CLN8: variants seen among roughly 807,000 people sequenced by gnomAD.
CLN8 encodes protein CLN8.
CLN8 carries 14 observed loss-of-function variants against 15.7 expected under a neutral mutation model. That is an observed-to-expected ratio of 0.89 (90% CI 0.59 to 1.39). The LOEUF (loss-of-function observed/expected upper bound fraction) is 1.39, where lower values mean the gene tolerates loss of function less well. Ranked by LOEUF, CLN8 falls within the 40% of genes most tolerant of loss-of-function variation. The pLI, the probability that CLN8 is intolerant of heterozygous loss-of-function variation, is 0.00. For synonymous variants in CLN8, 188 were observed against 151.0 expected (o/e 1.25, Z -1.80); for missense variants, 415 against 364.0 (o/e 1.14, Z -1.14).
At chr8:1,764,655 C>G (rs772696587) in intron 1 of CLN8, 4 of 153,142 alleles carry the variant, frequency 2.6e-5, no homozygotes, top group Non-Finnish European at 2.9e-5. Context: ...GGTAAGGTCA[C>G]CAAAGTGTGC....
rs1000986762 is a variant in CLN8 at position 1,785,957 on chromosome 8, G to A, written c.*5390G>A. The A allele has an allele frequency of 6.5e-6, 1 of 153,282 alleles. No homozygotes were observed. Among genetic ancestry groups the A allele is most frequent in the Non-Finnish European group, 1.5e-5 (1 of 68,600 alleles). 9.5% of individuals were successfully genotyped at this position (153,282 alleles called of 1,614,324 possible). On this transcript the variant is annotated 3_prime_UTR_variant, in exon 3 of 3. Coordinates refer to ENST00000331222, the MANE Select transcript of CLN8 (RefSeq NM_018941.4). ...AGGAAGGAAGGGCAGAGTCCCAGGT[G>A]TCAGCTGGTGGGTCTCCCAGGAGCT...
Position 1,780,432 on chromosome 8 carries a change from G to A in CLN8, c.726G>A (p.Thr242=), listed in dbSNP as rs200529220. The change falls in exon 3 of 3, where the codon ACG becomes ACA. Residue 242 remains threonine (T), a synonymous_variant. Coordinates refer to ENST00000331222, the MANE Select transcript of CLN8 (RefSeq NM_018941.4). ...TCCTTGTCGGACTGGCTCTGCTTAC[G>A]CTAATCATTAATCCATATTGGACCC... The part of the protein sequence containing the change: ...TLFLVGLALL[T]LIINPYWTHK... 31 of 1,614,076 alleles carry A rather than the reference G, an allele frequency of 1.9e-5. No individual in the cohort carries two copies. The highest frequency in any genetic ancestry group is 6.7e-5 in the African/African-American group (5 of 74,926).
intron 1 of CLN8, among the ~76,000 whole-genome samples, chr8:1,756,475 A>G (rs7460866): frequency 0.69 from 102,929 of 148,490 alleles, 35,789 homozygotes; most frequent in South Asian, 0.77. Flanking sequence ...CAGAGTGAGA[A>G]TCCATCTCAA....
chr8:1,757,379 G>T (rs1020229726), intron 1 of CLN8, among the ~76,000 whole-genome samples: 2 of 152,174 alleles, frequency 1.3e-5, no homozygotes, highest in African/African-American at 4.8e-5. Context: ...TGCTATGGTG[G>T]CCCCACAGTA....
chr8:1,759,836 A>G (rs1444248783), upstream of CLN8: 1 of 152,232 alleles, frequency 6.6e-6, no homozygotes, highest in Non-Finnish European at 1.5e-5. Flanking sequence ...GGTGAAGGAC[A>G]CTGGATTTAA....
intron 1 of CLN8, among the ~76,000 whole-genome samples, chr8:1,769,978 C>G (rs1801234568): frequency 6.6e-6 from 1 of 152,244 alleles, no homozygotes; most frequent in African/African-American, 2.4e-5. Flanking sequence ...CAGTCCCAAT[C>G]AGTCACACAA....
rs891805122 is a variant in CLN8 at position 1,781,001 on chromosome 8, G to A, written c.*434G>A. The A allele has an allele frequency of 5.5e-6, 1 of 182,164 alleles. No homozygotes were observed. The highest frequency in any genetic ancestry group is 5.6e-5 in the Admixed American group (1 of 17,998). 11.3% of individuals were successfully genotyped at this position (182,164 alleles called of 1,614,324 possible). A position where few individuals can be genotyped will look rare whatever the true frequency, so the allele number is the denominator to read the frequency against. On this transcript the variant is annotated 3_prime_UTR_variant, in exon 3 of 3. Coordinates refer to ENST00000331222, the MANE Select transcript of CLN8 (RefSeq NM_018941.4). Reference sequence around the variant, plus strand: ...TCAGAAGTCACATTCTTTTCAGTTGGAGAGAATTGGGCTAAGATAGAAAAT... The same window carrying A: ...TCAGAAGTCACATTCTTTTCAGTTGAAGAGAATTGGGCTAAGATAGAAAAT...
intron 1 of CLN8, among the ~76,000 whole-genome samples, chr8:1,765,515 CA>C (rs1209659772): frequency 2.6e-5 from 4 of 152,202 alleles, no homozygotes; most frequent in Non-Finnish European, 5.9e-5. Context: ...AACATTTTTA[CA>C]ACCCATCAAT....
chr8:1,757,150 G>A (rs1800690164), intron 1 of CLN8, among the ~76,000 whole-genome samples: 1 of 152,186 alleles, frequency 6.6e-6, no homozygotes, highest in Admixed American at 6.5e-5. Context: ...AAGCGGAGGT[G>A]TGTCCTCTTC....
At chr8:1,757,433 C>T (rs1242809800) in intron 1 of CLN8, among the ~76,000 whole-genome samples, 1 of 152,100 alleles carries the variant, frequency 6.6e-6, no homozygotes, top group African/African-American at 2.4e-5. Context: ...TGTCAAGGCA[C>T]TTTTTTTGGT....
At chr8:1,755,774 C>G (rs1210746648), upstream of CLN8, 2 of 152,178 alleles carry the variant, frequency 1.3e-5, no homozygotes, top group Admixed American at 6.5e-5. Flanking sequence ...CTAACCTCCT[C>G]TGGAATGAAC....
At chr8:1,770,117 T>A (rs1801239787) in intron 1 of CLN8, among the ~76,000 whole-genome samples, 1 of 152,138 alleles carries the variant, frequency 6.6e-6, no homozygotes, top group Admixed American at 6.5e-5. Flanking sequence ...GGGGTATGCA[T>A]CAGGAGCTTG....
intron 2 of CLN8, chr8:1,779,949 T>C: frequency 1.0e-6 from 1 of 985,322 alleles, no homozygotes; most frequent in Non-Finnish European, 1.2e-6. Flanking sequence ...ATTGAAGGGA[T>C]ACTGAAAGAA....
Position 1,771,270 on chromosome 8 carries a change from C to G in CLN8, c.216C>G (p.Val72=). ...GGGACCTGGCGGCCACGCGTGCAGT[C>G]TTTGGTGTTCAGAGCACAGCCGCAG... ...VFWDLAATRA[V]FGVQSTAAGL... Residue 72 remains valine, a synonymous_variant, in exon 2 of 3, where the codon GTC becomes GTG. Transcript: ENST00000331222. The G allele has an allele frequency of 1.2e-6, 2 of 1,614,018 alleles. No homozygotes were observed. Among genetic ancestry groups the G allele is most frequent in the East Asian group, 2.2e-5 (1 of 44,876 alleles).
At chr8:1,775,988 A>C (rs577630385) in intron 2 of CLN8, among the ~76,000 whole-genome samples, 1 of 151,252 alleles carries the variant, frequency 6.6e-6, no homozygotes, top group South Asian at 2.1e-4. Context: ...TGGAAGCTGA[A>C]TCTGTGAGGG....
At position 1,780,848 on chromosome 8, in the gene CLN8, G is replaced by A. The variant is rs1202859781; in HGVS notation, c.*281G>A. ...GTCCATGGTGTCCAGGCATCGGGGC[G>A]TCACACCTGTTGAGGAGTGGGGTGG... On this transcript the variant is annotated 3_prime_UTR_variant, in exon 3 of 3. Coordinates refer to ENST00000331222, the MANE Select transcript of CLN8 (RefSeq NM_018941.4). 12 of 519,930 alleles carry A rather than the reference G, an allele frequency of 2.3e-5. No homozygotes were observed. Among genetic ancestry groups the A allele is most frequent in the East Asian group, 3.3e-5 (1 of 30,418 alleles). 32.2% of individuals were successfully genotyped at this position (519,930 alleles called of 1,614,324 possible). A position where few individuals can be genotyped will look rare whatever the true frequency, so the allele number is the denominator to read the frequency against.
At chr8:1,772,054 G>A (rs1174126197) in intron 2 of CLN8, among the ~76,000 whole-genome samples, 1 of 152,004 alleles carries the variant, frequency 6.6e-6, no homozygotes, top group African/African-American at 2.4e-5. Flanking sequence ...TCCTGCGTCA[G>A]CCTCCCTAGT....
At chr8:1,776,021 C>T (rs988111910) in intron 2 of CLN8, among the ~76,000 whole-genome samples, 2 of 151,898 alleles carry the variant, frequency 1.3e-5, no homozygotes, top group African/African-American at 2.4e-5. Flanking sequence ...GGTGGTGCTC[C>T]AGCACACACG....
rs1463943543 is a variant in CLN8, at chr8:1,780,703, C to T, written c.*136C>T. ...TCTAAGGGAAATACTAACTTTCTTTCGCATTAGTATTAATTTTGAAGTAGC... is the reference window on the plus strand; with the variant it reads ...TCTAAGGGAAATACTAACTTTCTTTTGCATTAGTATTAATTTTGAAGTAGC... On this transcript the variant is annotated 3_prime_UTR_variant, in exon 3 of 3. Transcript: ENST00000331222. 21 of 755,050 alleles carry T rather than the reference C, an allele frequency of 2.8e-5. No individual in the cohort carries two copies. The highest frequency in any genetic ancestry group is 1.1e-4 in the East Asian group (4 of 37,676). The allele number at this position is 755,050 out of a possible 1,614,324, so 46.8% of individuals were successfully genotyped here.
Sources: allele counts gnomAD v4.1 joint callset (sites outside exome capture counted in the v4.1 genomes callset), GRCh38; gene constraint gnomAD v4.1.1; transcripts MANE v1.5; gene names NCBI Gene and HGNC (gene_info 2026-07-23, HGNC 2026-07-21).